Variants in PTPRD observed in about 807,000 individuals in gnomAD.
PTPRD encodes the protein receptor-type tyrosine-protein phosphatase delta.
Under a neutral mutation model 214.5 loss-of-function variants are expected in PTPRD, and 34 were observed. That is an observed-to-expected ratio of 0.16 (90% confidence interval 0.12 to 0.21). The LOEUF (loss-of-function observed/expected upper bound fraction) is 0.21. Among genes scored for constraint, PTPRD ranks in the 10% least tolerant of loss-of-function variants. PTPRD has a pLI of 1.00. For missense variants in PTPRD, 2,545 were observed against 2,398.7 expected, an observed-to-expected ratio of 1.06 and a Z score of -1.27; for synonymous variants, 1,128 against 845.7, an observed-to-expected ratio of 1.33 and a Z score of -5.79.
At chr9:9,486,810 C>T (rs2095657503) in intron 8 of PTPRD, among the ~76,000 whole-genome samples, 1 of 152,134 alleles carries the variant, frequency 6.6e-6, no homozygotes, top group Admixed American at 6.5e-5. Context: ...CAACACTTAA[C>T]ATCATACATT....
intron 4 of PTPRD, among the ~76,000 whole-genome samples, chr9:10,030,435 G>T (rs1194896032): frequency 6.6e-6 from 1 of 152,138 alleles, no homozygotes; most frequent in African/African-American, 2.4e-5. Flanking sequence ...TTGTTTCTCA[G>T]AAATAAGGCC....
At chr9:8,528,561 G>C (rs1340655602) in intron 15 of PTPRD, 30 bp downstream of exon 15, 9 of 1,588,882 alleles carry the variant, frequency 5.7e-6, no homozygotes, top group Non-Finnish European at 6.9e-6. Flanking sequence ...AATTCTCTAG[G>C]AGTTAGTAGA....
At chr9:10,538,074 T>A (rs554250451) in intron 2 of PTPRD, among the ~76,000 whole-genome samples, 6 of 152,058 alleles carry the variant, frequency 3.9e-5, no homozygotes, top group African/African-American at 1.4e-4. Context: ...CTTGTCAACT[T>A]GCATAGTCTT....
chr9:8,454,627 A>G, intron 33 of PTPRD: 3 of 1,610,584 alleles, frequency 1.9e-6, no homozygotes, highest in South Asian at 1.1e-5. Context: ...AAGGAAAAAG[A>G]AAGGCTAAAT....
chr9:9,278,180 A>G (rs897754401), intron 9 of PTPRD, among the ~76,000 whole-genome samples: 4 of 151,344 alleles, frequency 2.6e-5, no homozygotes, highest in African/African-American at 9.7e-5. Context: ...GAGGGCAACA[A>G]ATAAGAGATC....
intron 3 of PTPRD, among the ~76,000 whole-genome samples, chr9:10,220,740 T>C (rs2099568233): frequency 6.6e-6 from 1 of 151,852 alleles, no homozygotes; most frequent in South Asian, 2.1e-4. Context: ...TATGCTATCA[T>C]TCATAATATC....
chr9:9,964,109 G>A (rs868383726), intron 4 of PTPRD, among the ~76,000 whole-genome samples: 37 of 95,070 alleles, frequency 3.9e-4, no homozygotes, highest in South Asian at 4.4e-4. Flanking sequence ...GACAGAGACA[G>A]AGAGAGACAG....
chr9:8,994,364 C>G (rs1421612314), intron 11 of PTPRD, among the ~76,000 whole-genome samples: 1 of 152,100 alleles, frequency 6.6e-6, no homozygotes, highest in South Asian at 2.1e-4. Flanking sequence ...ATAGTTCCTT[C>G]AACAATGCCT....
At chr9:10,466,962 T>C (rs989386047) in intron 2 of PTPRD, among the ~76,000 whole-genome samples, 20 of 152,290 alleles carry the variant, frequency 1.3e-4, no homozygotes, top group African/African-American at 4.6e-4. Context: ...TGCACTCTTT[T>C]CTAGGAAACT....
chr9:10,611,414 G>A (rs1022231567), intron 2 of PTPRD, among the ~76,000 whole-genome samples: 1 of 152,134 alleles, frequency 6.6e-6, no homozygotes, highest in African/African-American at 2.4e-5. Flanking sequence ...AACAAACTGA[G>A]TCAACTATAT....
At chr9:9,903,073 T>C (rs985190241) in intron 5 of PTPRD, among the ~76,000 whole-genome samples, 3 of 152,096 alleles carry the variant, frequency 2.0e-5, no homozygotes, top group African/African-American at 7.2e-5. Context: ...GTATTTGAGC[T>C]AAAGACATAT....
intron 10 of PTPRD, among the ~76,000 whole-genome samples, chr9:9,178,720 T>C (rs1223003817): frequency 6.6e-6 from 1 of 152,132 alleles, no homozygotes; most frequent in Non-Finnish European, 1.5e-5. Flanking sequence ...GAATTGCTAG[T>C]AAATCATTTC....
intron 9 of PTPRD, among the ~76,000 whole-genome samples, chr9:9,183,845 G>T (rs867395953): frequency 1.3e-5 from 2 of 151,902 alleles, no homozygotes; most frequent in Non-Finnish European, 2.9e-5. Context: ...TATCCTACTC[G>T]TTCTGGGACG....
At chr9:9,947,365 A>ATATATAT (rs1566616653) in intron 4 of PTPRD, among the ~76,000 whole-genome samples, 538 of 40,606 alleles carry the variant, frequency 0.013, 12 homozygotes, top group East Asian at 0.049. Flanking sequence ...TATATATATT[A>ATATATAT]TATATATATT....
intron 5 of PTPRD, among the ~76,000 whole-genome samples, chr9:9,873,923 C>T (rs115812988): frequency 0.02 from 2,992 of 151,866 alleles, 36 homozygotes; most frequent in Middle Eastern, 0.041. Flanking sequence ...CAATAGCTGA[C>T]GTGTATTGAA....
chr9:10,287,218 G>A (rs1260382465), intron 3 of PTPRD, among the ~76,000 whole-genome samples: 1 of 152,182 alleles, frequency 6.6e-6, no homozygotes, highest in African/African-American at 2.4e-5. Context: ...GTCACAATTA[G>A]CATGTGGAGT....
chr9:10,122,408 C>T (rs972149507), intron 3 of PTPRD, among the ~76,000 whole-genome samples: 3 of 151,898 alleles, frequency 2.0e-5, no homozygotes, highest in African/African-American at 7.3e-5. Context: ...TATTTTATTT[C>T]AAATAGATCT....
chr9:8,471,634 T>C (rs2096655403), intron 30 of PTPRD, among the ~76,000 whole-genome samples: 1 of 152,120 alleles, frequency 6.6e-6, no homozygotes, highest in Admixed American at 6.6e-5. Flanking sequence ...TCCCTTCTTT[T>C]TCTACCCATC....
chr9:9,038,853 A>G (rs1405507514), intron 10 of PTPRD, among the ~76,000 whole-genome samples: 1 of 152,088 alleles, frequency 6.6e-6, no homozygotes, highest in Non-Finnish European at 1.5e-5. Context: ...CACCCCGCCC[A>G]GCAGATAACT....
Sources: allele counts gnomAD v4.1 joint callset (sites outside exome capture counted in the v4.1 genomes callset), GRCh38; gene constraint gnomAD v4.1.1; transcripts MANE v1.5; gene names NCBI Gene and HGNC (gene_info 2026-07-23, HGNC 2026-07-21).